Variants in RAB12 observed in about 807,000 individuals in gnomAD.
RAB12 encodes the protein RAB12, member RAS oncogene family, also known as ras-related protein Rab-12.
RAB12 carries 11 observed loss-of-function variants against 28.4 expected under a neutral mutation model. The ratio of observed to expected loss-of-function variants is 0.39; its 90% CI spans 0.24 to 0.64. RAB12 has a LOEUF of 0.64. Ranked by LOEUF, RAB12 falls within the 30% of genes least tolerant of loss-of-function variation. RAB12 has a pLI of 0.50. For synonymous variants in RAB12, 138 were observed against 145.3 expected (o/e 0.95, Z 0.36); for missense variants, 276 against 351.1 (o/e 0.79, Z 1.71).
At chr18:8,613,666 G>A (rs561942387) in intron 1 of RAB12, among the ~76,000 whole-genome samples, 16 of 152,080 alleles carry the variant, frequency 1.1e-4, no homozygotes, top group Non-Finnish European at 2.4e-4. Flanking sequence ...GGTTGAAATG[G>A]TTTTACCTTT....
chr18:8,632,877 G>A (rs909290197), intron 2 of RAB12: 6 of 305,776 alleles, frequency 2.0e-5, no homozygotes, highest in African/African-American at 6.7e-5. Flanking sequence ...TGTTATATTA[G>A]CATTCCTGTT....
In RAB12 at chr18:8,620,885, G is replaced by A. The variant is rs73392504; in HGVS notation, c.515-4053G>A. ...TGGGTGCAGTCAGAAGAGGTCAGAT[G>A]GGAAATCTAGGGCTTCAGAGGGTTC... is the stretch of plus-strand genomic sequence containing the variant. On this transcript the variant is annotated intron_variant, in intron 1 of 5. Transcript: ENST00000649141. Among the ~76,000 whole-genome samples, 1,446 of 152,268 alleles carry A rather than the reference G, an allele frequency of 9.5e-3. 25 individuals are homozygous for A. The highest frequency in any genetic ancestry group is 0.033 in the African/African-American group (1,381 of 41,554).
At chr18:8,631,950 T>C (rs1211421017) in intron 2 of RAB12, among the ~76,000 whole-genome samples, 1 of 152,216 alleles carries the variant, frequency 6.6e-6, no homozygotes, top group African/African-American at 2.4e-5. Flanking sequence ...TTTTCTGCTA[T>C]GAAAATTCTT....
chr18:8,619,186 G>A (rs1456203196), intron 1 of RAB12, among the ~76,000 whole-genome samples: 1 of 152,136 alleles, frequency 6.6e-6, no homozygotes, highest in Non-Finnish European at 1.5e-5. Context: ...AAAATCTATG[G>A]TCTGGTCCAA....
At chr18:8,623,827 C>T (rs2096011216) in intron 1 of RAB12, among the ~76,000 whole-genome samples, 1 of 152,262 alleles carries the variant, frequency 6.6e-6, no homozygotes, top group Non-Finnish European at 1.5e-5. Flanking sequence ...TGCAACTTCT[C>T]TCCTAGGGCA....
chr18:8,632,959 TTAATC>T, intron 2 of RAB12: 1 of 513,364 alleles, frequency 1.9e-6, no homozygotes, highest in African/African-American at 2.0e-5. Context: ...TCCATCTCCA[TTAATC>T]TAATTTAGTT....
chr18:8,610,076 T>G (rs745816788), intron 1 of RAB12, 123 bp downstream of exon 1: 1 of 705,684 alleles, frequency 1.4e-6, no homozygotes, highest in Non-Finnish European at 2.3e-6. Flanking sequence ...TCGGTGAAAC[T>G]AGGGGCGGGG....
Position 8,633,134 on chromosome 18 carries a change from G to A in RAB12, c.576-55G>A, listed in dbSNP as rs149686933. ...ATAATCTATGTTTGCATTGGAATGT[G>A]ATGGTGCTCACTTTGGGCATTATTT... is the stretch of plus-strand genomic sequence containing the variant. On this transcript the variant is annotated intron_variant, in intron 2 of 5. Coordinates refer to ENST00000649141, the MANE Select transcript of RAB12 (RefSeq NM_001025300.3). The A allele has an allele frequency of 3.1e-6, 5 of 1,606,696 alleles. No individual in the cohort carries two copies. In the African/African-American group the frequency reaches 6.7e-5, roughly 21 times the overall value.
rs960794259 is a variant in RAB12 at position 8,639,073 on chromosome 18, T to G, written c.*811T>G. The G allele has an allele frequency of 1.6e-4, 24 of 146,422 alleles. 1 individual carries two copies. 9.1% of individuals were successfully genotyped at this position (146,422 alleles called of 1,614,324 possible). The stretch of plus-strand genomic sequence containing the variant: ...AACATACGTGTATTTGCCTAAACAC[T>G]CTGTACCTTTGTAATGATAAAACTT... On this transcript the variant is annotated 3_prime_UTR_variant, in exon 6 of 6. Coordinates refer to ENST00000649141, the MANE Select transcript of RAB12 (RefSeq NM_001025300.3).
chr18:8,624,967 C>A lies in RAB12; in HGVS notation c.544C>A (p.Leu182Ile). 1.2e-6 allele frequency: 2 copies of A among 1,604,680 alleles called. No homozygotes were observed. Among genetic ancestry groups the A allele is most frequent in the Non-Finnish European group, 1.7e-6 (2 of 1,172,036 alleles). The change falls in exon 2 of 6, where the codon CTA (leucine) becomes ATA (isoleucine). Residue 182 changes from leucine (L) to isoleucine (I), a missense_variant. Leu to Ile is a conservative substitution (Grantham distance 5). Transcript: ENST00000649141. The stretch of plus-strand genomic sequence containing the variant: ...TGACTTCAAAATCAAAACTGTAGAG[C>A]TAAGAGGAAAGAAAATTAGATTACA... ...GVDFKIKTVE[L>I]RGKKIRLQIW...
intron 1 of RAB12, chr18:8,610,182 C>G (rs762654283): frequency 5.7e-5 from 25 of 441,912 alleles, no homozygotes; most frequent in Non-Finnish European, 9.0e-5. Flanking sequence ...GGCCCTGCCT[C>G]AGAGGTCCTG....
intron 1 of RAB12, among the ~76,000 whole-genome samples, chr18:8,617,100 T>C (rs979592462): frequency 1.3e-5 from 2 of 152,156 alleles, no homozygotes; most frequent in Non-Finnish European, 2.9e-5. Flanking sequence ...TCTTCACTTA[T>C]AGGAAGAAAA....
chr18:8,613,331 A>G lies in RAB12; in HGVS notation c.514+3378A>G, dbSNP rs1010456565. Among the ~76,000 whole-genome samples, 4 of 152,368 alleles carry G rather than the reference A, an allele frequency of 2.6e-5. No individual in the cohort carries two copies. The East Asian group carries it at 7.7e-4, about 29-fold the overall frequency. On this transcript the variant is annotated intron_variant, in intron 1 of 5. Transcript: ENST00000649141. ...AACAGAAAAAAGTAATTGACTAAAG[A>G]AATTTACAACTAACATGCCTGGTCC...
At chr18:8,621,142 G>A (rs1335578718) in intron 1 of RAB12, among the ~76,000 whole-genome samples, 1 of 152,080 alleles carries the variant, frequency 6.6e-6, no homozygotes, top group Admixed American at 6.5e-5. Flanking sequence ...TTTGTCCCTT[G>A]GTTGTTTGTA....
intron 3 of RAB12, 28 bp downstream of exon 3, chr18:8,633,355 T>C (rs1187015888): frequency 6.2e-7 from 1 of 1,612,042 alleles, no homozygotes; most frequent in South Asian, 1.1e-5. Flanking sequence ...CTGTCCAATG[T>C]GAACTCTCTG....
intron 1 of RAB12, among the ~76,000 whole-genome samples, chr18:8,612,852 A>T (rs1430456098): frequency 6.6e-6 from 1 of 151,982 alleles, no homozygotes; most frequent in African/African-American, 2.4e-5. Flanking sequence ...TTTAGTAGAG[A>T]CAAAGTCTTG....
chr18:8,619,726 T>C (rs1402699987), intron 1 of RAB12, among the ~76,000 whole-genome samples: 1 of 152,228 alleles, frequency 6.6e-6, no homozygotes, highest in Non-Finnish European at 1.5e-5. Flanking sequence ...TCATGTTGTC[T>C]TCCTTTATAA....
intron 1 of RAB12, among the ~76,000 whole-genome samples, chr18:8,612,164 G>A (rs1052853607): frequency 3.3e-5 from 5 of 152,220 alleles, no homozygotes; most frequent in Non-Finnish European, 5.9e-5. Context: ...TGGGAGCTGC[G>A]TGACCGCTTG....
At chr18:8,622,659 A>G (rs555350533) in intron 1 of RAB12, among the ~76,000 whole-genome samples, 50 of 152,250 alleles carry the variant, frequency 3.3e-4, no homozygotes, top group Middle Eastern at 3.2e-3. Context: ...TGTCATTGAT[A>G]ACATCTTATC....
Sources: gnomAD v4.1 joint callset for allele counts (sites outside exome capture counted in the v4.1 genomes callset) on GRCh38, gnomAD v4.1.1 for gene constraint, MANE v1.5 for transcripts, NCBI Gene and HGNC (gene_info 2026-07-23, HGNC 2026-07-21) for gene names.